The following SCRG1 variants were observed in gnomAD, a reference collection of about 807,000 sequenced individuals.
SCRG1 encodes the protein scrapie-responsive protein 1.
A neutral mutation model predicts 7.7 loss-of-function variants in SCRG1; 3 were observed. That is an observed-to-expected ratio of 0.39 (90% CI 0.18 to 1.01). The LOEUF (loss-of-function observed/expected upper bound fraction) is 1.01, where lower values mean the gene tolerates loss of function less well. Ranked by LOEUF, SCRG1 falls within the 50% of genes least tolerant of loss-of-function variation. The pLI, the probability that SCRG1 is intolerant of heterozygous loss-of-function variation, is 0.36. For synonymous variants in SCRG1, 46 were observed against 41.2 expected (o/e 1.12, Z -0.44); for missense variants, 110 against 117.2 (o/e 0.94, Z 0.28).
At chr4:173,482,630 C>A in the SCRG1 span, among the ~76,000 whole-genome samples, 1 of 151,738 alleles carries the variant, frequency 6.6e-6, no homozygotes, top group East Asian at 1.9e-4. Context: ...CCAGCCGTGG[C>A]AACAAAGCAA....
At chr4:173,388,503 T>C (rs1463467918) in intron 2 of SCRG1, 108 bp from the exon 3 acceptor site, 1 of 744,616 alleles carries the variant, frequency 1.3e-6, no homozygotes, top group East Asian at 2.8e-5. Context: ...GTTATGATTA[T>C]TCTTTTTAGG....
upstream of SCRG1, among the ~76,000 whole-genome samples, chr4:173,406,995 G>A (rs1266877616): frequency 6.6e-6 from 1 of 152,060 alleles, no homozygotes; most frequent in Non-Finnish European, 1.5e-5. Context: ...ATCATCTGAG[G>A]TCAGGAGTTT....
At chr4:173,430,039 T>G in the SCRG1 span, among the ~76,000 whole-genome samples, 1 of 152,100 alleles carries the variant, frequency 6.6e-6, no homozygotes, top group Non-Finnish European at 1.5e-5. Flanking sequence ...TGGGTTTGGA[T>G]TTTAATGGCC....
chr4:173,393,572 T>A (rs1739510907), intron 1 of SCRG1, among the ~76,000 whole-genome samples: 1 of 152,176 alleles, frequency 6.6e-6, no homozygotes, highest in Non-Finnish European at 1.5e-5. Flanking sequence ...TGTATGTACT[T>A]GAGAAGAATG....
the SCRG1 span, among the ~76,000 whole-genome samples, chr4:173,494,878 G>C: frequency 2.0e-4 from 30 of 152,202 alleles, no homozygotes; most frequent in African/African-American, 7.2e-4. Flanking sequence ...ATCAATTTAC[G>C]CATTGATTGG....
chr4:173,480,375 T>G, the SCRG1 span, among the ~76,000 whole-genome samples: 4 of 152,144 alleles, frequency 2.6e-5, no homozygotes, highest in Non-Finnish European at 5.9e-5. Flanking sequence ...GTTTTGTTTT[T>G]TTTTAAGGCC....
chr4:173,512,491 C>T, the SCRG1 span, among the ~76,000 whole-genome samples: 2 of 152,218 alleles, frequency 1.3e-5, no homozygotes, highest in East Asian at 3.8e-4. Flanking sequence ...CACTCAAGTG[C>T]ACACGCAGAG....
the SCRG1 span, among the ~76,000 whole-genome samples, chr4:173,513,512 G>T: frequency 6.6e-6 from 1 of 152,240 alleles, no homozygotes; most frequent in Admixed American, 6.5e-5. Context: ...ATGTGAAGGG[G>T]AGTGCTCTGA....
At chr4:173,492,886 G>T in the SCRG1 span, among the ~76,000 whole-genome samples, 20 of 152,168 alleles carry the variant, frequency 1.3e-4, 1 homozygote, top group Admixed American at 8.5e-4. Flanking sequence ...ACACTTCTAG[G>T]CCTGCAATAC....
At chr4:173,454,573 A>T in the SCRG1 span, among the ~76,000 whole-genome samples, 2 of 152,252 alleles carry the variant, frequency 1.3e-5, no homozygotes, top group South Asian at 4.1e-4. Context: ...TTATAGTATC[A>T]TTAATAAGTC....
At chr4:173,391,942 C>T (rs1456176415) in intron 1 of SCRG1, among the ~76,000 whole-genome samples, 1 of 152,086 alleles carries the variant, frequency 6.6e-6, no homozygotes, top group Admixed American at 6.6e-5. Context: ...AGGCTGTAGG[C>T]AGGGAGGAAG....
the SCRG1 span, among the ~76,000 whole-genome samples, chr4:173,463,955 G>C: frequency 2.6e-5 from 4 of 152,214 alleles, no homozygotes; most frequent in East Asian, 1.9e-4. Flanking sequence ...ACGGACAATG[G>C]GGGGAGAATG....
the SCRG1 span, among the ~76,000 whole-genome samples, chr4:173,471,000 T>C: frequency 6.6e-6 from 1 of 152,216 alleles, no homozygotes; most frequent in Non-Finnish European, 1.5e-5. Flanking sequence ...AAATGCCATA[T>C]GCTTTTTGAA....
the SCRG1 span, among the ~76,000 whole-genome samples, chr4:173,489,888 G>C: frequency 6.6e-6 from 1 of 152,130 alleles, no homozygotes. Flanking sequence ...TGTTTATAAT[G>C]TATTCTCTTT....
the SCRG1 span, among the ~76,000 whole-genome samples, chr4:173,428,823 T>C: frequency 6.6e-6 from 1 of 152,240 alleles, no homozygotes; most frequent in South Asian, 2.1e-4. Flanking sequence ...AAAATTTTGA[T>C]AGAAATAGCA....
At chr4:173,449,029 A>G in the SCRG1 span, among the ~76,000 whole-genome samples, 1 of 152,242 alleles carries the variant, frequency 6.6e-6, no homozygotes, top group Non-Finnish European at 1.5e-5. Context: ...GGAATCACAG[A>G]GACAGGCTGA....
At chr4:173,442,755 G>A in the SCRG1 span, among the ~76,000 whole-genome samples, 4 of 152,320 alleles carry the variant, frequency 2.6e-5, no homozygotes, top group African/African-American at 9.6e-5. Flanking sequence ...GGAAGGGCAA[G>A]TGAGGACGTG....
At chr4:173,480,601 A>G in the SCRG1 span, among the ~76,000 whole-genome samples, 2 of 152,198 alleles carry the variant, frequency 1.3e-5, no homozygotes, top group African/African-American at 4.8e-5. Flanking sequence ...ATTATGTAGC[A>G]ATTATAAATA....
At chr4:173,410,476 GA>G (rs1269584949), upstream of SCRG1, among the ~76,000 whole-genome samples, 1 of 152,188 alleles carries the variant, frequency 6.6e-6, no homozygotes, top group Non-Finnish European at 1.5e-5. Context: ...TTTAAAACCA[GA>G]ACCTGTTAAT....
Sources: gnomAD v4.1 joint callset for allele counts (sites outside exome capture counted in the v4.1 genomes callset) on GRCh38, gnomAD v4.1.1 for gene constraint, MANE v1.5 for transcripts, NCBI Gene and HGNC (gene_info 2026-07-23, HGNC 2026-07-21) for gene names.